DNAH5: variants seen among roughly 807,000 people sequenced by gnomAD.
The protein encoded by DNAH5 is dynein axonemal heavy chain 5.
Under a neutral mutation model 518.2 loss-of-function variants are expected in DNAH5, and 372 were observed. The observed-to-expected ratio is 0.72, with a 90% CI of 0.66 to 0.78. The LOEUF is 0.78. Ranked by LOEUF, DNAH5 falls within the 30% of genes least tolerant of loss-of-function variation. The pLI is 0.00. For synonymous variants in DNAH5, 2,039 were observed against 2,025.9 expected (o/e 1.01, Z -0.17); for missense variants, 5,523 against 5,687.0 (o/e 0.97, Z 0.93).
At chr5:13,892,019 A>G (rs141959109) in intron 16 of DNAH5, among the ~76,000 whole-genome samples, 25 of 152,354 alleles carry the variant, frequency 1.6e-4, no homozygotes, top group Non-Finnish European at 3.5e-4. Flanking sequence ...AGGAAAGTCA[A>G]CGTTACATAC....
upstream of DNAH5, among the ~76,000 whole-genome samples, chr5:13,945,547 A>C (rs751417304): frequency 3.3e-5 from 5 of 152,182 alleles, no homozygotes; most frequent in African/African-American, 7.2e-5. Context: ...TTTAGACCTC[A>C]ATATTATTTG....
At position 13,841,100 on chromosome 5, in the gene DNAH5, T is replaced by C. The variant is rs763742646; in HGVS notation, c.5515A>G (p.Thr1839Ala). 6 of 1,613,972 alleles carry C rather than the reference T, an allele frequency of 3.7e-6. No individual in the cohort carries two copies. The Admixed American group carries it at 5.0e-5, about 13-fold the overall frequency. The change falls in exon 34 of 79, where the codon ACA becomes GCA. Residue 1839 changes from threonine to alanine, a missense_variant. Transcript: ENST00000265104. ...CTAAGGGCTTCTTCTGAATCCCGTG[T>C]CCATATCATCTGAATTCCTAATAAT... ...VGLLGIQMIW[T>A]RDSEEALRNA...
At chr5:13,894,241 C>G (rs2151952918) in intron 16 of DNAH5, among the ~76,000 whole-genome samples, 1 of 152,316 alleles carries the variant, frequency 6.6e-6, no homozygotes, top group African/African-American at 2.4e-5. Context: ...ACTATTATAT[C>G]TCTTTTTAAG....
At chr5:13,935,221 G>A (rs375077729) in intron 1 of DNAH5, among the ~76,000 whole-genome samples, 7 of 152,186 alleles carry the variant, frequency 4.6e-5, no homozygotes, top group South Asian at 2.1e-4. Flanking sequence ...GAACTGAGGC[G>A]TTCCAAAGAA....
At chr5:13,971,839 A>G (rs573437631) in intron 1 of DNAH5, among the ~76,000 whole-genome samples, 2 of 152,246 alleles carry the variant, frequency 1.3e-5, no homozygotes, top group Admixed American at 1.3e-4. Context: ...TCACCTGGAT[A>G]TGTATTAGGA....
intron 1 of DNAH5, among the ~76,000 whole-genome samples, chr5:13,933,206 C>T (rs764469706): frequency 7.9e-5 from 12 of 152,156 alleles, no homozygotes; most frequent in African/African-American, 1.2e-4. Flanking sequence ...ATAGAGAAGA[C>T]GGTCAATATA....
chr5:13,991,544 GGAGGAGGAA>G (rs1380473702), intron 1 of DNAH5, among the ~76,000 whole-genome samples: 16 of 148,424 alleles, frequency 1.1e-4, no homozygotes, highest in African/African-American at 4.0e-4. Context: ...GAGGGGAGGG[GGAGGAGGAA>G]GAGGAGGAGG....
At chr5:13,766,323 T>C (rs2126763677) in intron 58 of DNAH5, 144 bp from the exon 59 acceptor site, 1 of 807,974 alleles carries the variant, frequency 1.2e-6, no homozygotes, top group East Asian at 2.6e-5. Flanking sequence ...GATGCATATT[T>C]AATCCCAAAG....
Position 13,985,926 on chromosome 5 carries a change from G to A in DNAH5, c.12+25722C>T, listed in dbSNP as rs143081405. Among the ~76,000 whole-genome samples the A allele has an allele frequency of 2.9e-3, 444 of 152,272 alleles. 2 individuals carry two copies. The highest frequency in any genetic ancestry group is 0.01 in the African/African-American group (416 of 41,538). ...ATTCAGTGAAGCGTCTGCTCCATTC[G>A]GGATTTTTTCAGATGGGCATTTTGG... On this transcript the variant is annotated intron_variant, in intron 1 of 78. Transcript: ENST00000681290.
At chr5:14,006,069 C>CAA (rs1784706594) in intron 1 of DNAH5, among the ~76,000 whole-genome samples, 2 of 80,628 alleles carry the variant, frequency 2.5e-5, no homozygotes, top group African/African-American at 4.4e-5. Context: ...CCACCCAACA[C>CAA]CTCCCCACAC....
intron 17 of DNAH5, among the ~76,000 whole-genome samples, chr5:13,888,139 T>C (rs1283418365): frequency 6.6e-6 from 1 of 152,182 alleles, no homozygotes; most frequent in Non-Finnish European, 1.5e-5. Context: ...ATGAGCCCCT[T>C]TTCCTCTTGT....
chr5:13,776,177 A>C (rs1754059964), intron 55 of DNAH5, among the ~76,000 whole-genome samples: 1 of 152,194 alleles, frequency 6.6e-6, no homozygotes, highest in East Asian at 1.9e-4. Flanking sequence ...GAATTGCTGG[A>C]TGATGTTTTC....
intron 5 of DNAH5, among the ~76,000 whole-genome samples, chr5:13,921,436 G>GTCCC (rs1777245944): frequency 8.0e-6 from 1 of 125,162 alleles, no homozygotes; most frequent in African/African-American, 3.1e-5. Context: ...CTCTCTCTCT[G>GTCCC]TCTCTCTCTC....
At chr5:13,862,115 C>T (rs1466849700) in intron 29 of DNAH5, among the ~76,000 whole-genome samples, 4 of 152,024 alleles carry the variant, frequency 2.6e-5, no homozygotes, top group African/African-American at 9.7e-5. Flanking sequence ...AATAATGTTC[C>T]TCCTGGATTC....
At chr5:13,964,736 G>C (rs1348401680) in intron 1 of DNAH5, among the ~76,000 whole-genome samples, 1 of 152,234 alleles carries the variant, frequency 6.6e-6, no homozygotes, top group Admixed American at 6.5e-5. Flanking sequence ...AGAAGTTGGG[G>C]ATACAAAGAT....
intron 1 of DNAH5, among the ~76,000 whole-genome samples, chr5:13,979,409 T>C (rs915509940): frequency 1.3e-5 from 2 of 152,114 alleles, no homozygotes; most frequent in South Asian, 2.1e-4. Flanking sequence ...AACTGGAATG[T>C]AAGCTTCCCC....
intron 43 of DNAH5, among the ~76,000 whole-genome samples, chr5:13,813,296 G>T (rs1395121834): frequency 6.6e-6 from 1 of 152,072 alleles, no homozygotes; most frequent in African/African-American, 2.4e-5. Context: ...TCATGCATTA[G>T]CTAGTACTCC....
At chr5:14,002,055 T>C (rs1222641180) in intron 1 of DNAH5, among the ~76,000 whole-genome samples, 1 of 152,018 alleles carries the variant, frequency 6.6e-6, no homozygotes, top group Non-Finnish European at 1.5e-5. Context: ...CGCACCACCA[T>C]ACCCAGCTAA....
chr5:13,724,772 C>A (rs373841228), intron 70 of DNAH5, among the ~76,000 whole-genome samples: 2 of 152,134 alleles, frequency 1.3e-5, no homozygotes, highest in Non-Finnish European at 2.9e-5. Flanking sequence ...GCATCTCCCC[C>A]ACTCTCTTGC....
Sources: allele counts gnomAD v4.1 joint callset (sites outside exome capture counted in the v4.1 genomes callset), GRCh38; gene constraint gnomAD v4.1.1; transcripts MANE v1.5; gene names NCBI Gene and HGNC (gene_info 2026-07-23, HGNC 2026-07-21).